HUWE1: variants seen among roughly 807,000 people sequenced by gnomAD.
HUWE1 encodes E3 ubiquitin-protein ligase HUWE1.
Under a neutral mutation model 299.4 loss-of-function variants are expected in HUWE1, and 18 were observed. The ratio of observed to expected loss-of-function variants is 0.06; its 90% CI spans 0.04 to 0.09. HUWE1 has a LOEUF of 0.09. Among genes scored for constraint, HUWE1 ranks in the 10% least tolerant of loss-of-function variants. The pLI is 1.00. For synonymous variants in HUWE1, 1,317 were observed against 1,286.1 expected, an observed-to-expected ratio of 1.02 and a Z score of -0.51; for missense variants, 1,832 against 3,462.3, an observed-to-expected ratio of 0.53 and a Z score of 11.82.
chrX:53,636,573 A>G (rs1355156601), intron 7 of HUWE1, among the ~76,000 whole-genome samples: 1 of 111,112 alleles, frequency 9.0e-6, no homozygotes, highest in Non-Finnish European at 1.9e-5. Flanking sequence ...AAAATACAAA[A>G]TTAGCCAGGC....
chrX:53,674,842 T>C (rs782204782), intron 3 of HUWE1, among the ~76,000 whole-genome samples: 1 of 112,043 alleles, frequency 8.9e-6, no homozygotes, highest in Non-Finnish European at 1.9e-5. Context: ...GTTAAATGAA[T>C]ATCACCATCT....
chrX:53,667,656 C>T (rs1009487741), intron 3 of HUWE1, among the ~76,000 whole-genome samples: 13 of 111,854 alleles, frequency 1.2e-4, no homozygotes, highest in Non-Finnish European at 1.9e-4. Flanking sequence ...ATCATTAAGT[C>T]GGGGACGCCT....
Position 53,594,714 on chromosome X carries a change from C to T in HUWE1, c.3381-93G>A. 10 of 909,163 alleles carry T rather than the reference C, an allele frequency of 1.1e-5. No homozygotes were observed. In the South Asian group the frequency reaches 2.1e-4, roughly 19 times the overall value. The allele number at this position is 909,163 out of a possible 1,213,427, so 74.9% of individuals were successfully genotyped here. ...ATGTAAAAGGCAAGAGTAAAATTTA[C>T]ACACTGAAGTGACACCTCCCACCTA... On this transcript the variant is annotated intron_variant, in intron 30 of 83. Coordinates refer to ENST00000262854, the MANE Select transcript of HUWE1 (RefSeq NM_031407.7).
At chrX:53,546,856 C>A in intron 68 of HUWE1, 31 bp from the exon 69 acceptor site, 1 of 1,190,526 alleles carries the variant, frequency 8.4e-7, no homozygotes. Flanking sequence ...CACTGTAAGC[C>A]TCTCTGAAAC....
chrX:53,551,505 G>A (rs1199153476), intron 63 of HUWE1, 25 bp from the exon 64 acceptor site: 1 of 1,134,518 alleles, frequency 8.8e-7, no homozygotes, highest in African/African-American at 1.8e-5. Context: ...AACATGTAAA[G>A]GGATTCACGC....
chrX:53,602,478 T>C (rs916817144), intron 28 of HUWE1, 86 bp downstream of exon 28: 4 of 571,555 alleles, frequency 7.0e-6, no homozygotes, highest in Non-Finnish European at 1.2e-5. Flanking sequence ...ATGATAGAAC[T>C]AACTAAAAAT....
intron 32 of HUWE1, among the ~76,000 whole-genome samples, 189 bp from the exon 33 acceptor site, chrX:53,592,817 T>C (rs1254230470): frequency 1.8e-5 from 2 of 111,687 alleles, no homozygotes; most frequent in African/African-American, 6.5e-5. Context: ...GTGATACAGT[T>C]TGGAATATTT....
intron 43 of HUWE1, among the ~76,000 whole-genome samples, chrX:53,577,691 G>GTT (rs782154597): frequency 1.5e-3 from 141 of 97,112 alleles, no homozygotes; most frequent in Admixed American, 2.1e-3. Flanking sequence ...ACTGGTTTTC[G>GTT]TTTTTTTTTT....
Position 53,595,410 on chromosome X carries a change from C to G in HUWE1, c.3164-7G>C. ...CGGCCTAATCTGGAGGAAGCTGAAA[C>G]CCAGAAATCAGAATAAGACTGTACA... On this transcript the variant is annotated splice_polypyrimidine_tract_variant and splice_region_variant and intron_variant, in intron 29 of 83. Coordinates refer to ENST00000262854, the MANE Select transcript of HUWE1 (RefSeq NM_031407.7). The G allele has an allele frequency of 8.5e-7, 1 of 1,174,103 alleles. No individual in the cohort carries two copies. Among genetic ancestry groups the G allele is most frequent in the Non-Finnish European group, 1.2e-6 (1 of 863,678 alleles).
At chrX:53,533,457 A>T in intron 83 of HUWE1, 46 bp from the exon 84 acceptor site, 1 of 942,371 alleles carries the variant, frequency 1.1e-6, no homozygotes, top group African/African-American at 1.9e-5. Context: ...ATGACAGATA[A>T]CCAAATCTGT....
rs782523739 is a variant in HUWE1, at chrX:53,549,389, G to C, written c.9605C>G (p.Thr3202Ser). 8.3e-7 allele frequency: 1 copy of C among 1,209,748 alleles called. No homozygotes were observed. Among genetic ancestry groups the C allele is most frequent in the African/African-American group, 1.7e-5 (1 of 57,174 alleles). ...LLFVDEPKLNTSRLHRVLRNL... is the reference protein window; with the variant it reads ...LLFVDEPKLNSSRLHRVLRNL... ...TCTCAGTACTCGGTGTAGACGGCTA[G>C]TATTGAGCTTTGGCTCATCCACAAA... Residue 3202 changes from threonine (T) to serine (S), a missense_variant, in exon 67 of 84, where the codon ACT (threonine) becomes AGT (serine). Around this residue, in one of 15 missense-constraint regions of HUWE1, gnomAD observed 91 missense variants for 281.2 expected, o/e 0.32. Transcript: ENST00000262854.
chrX:53,578,803 TGGG>T (rs1332227238), intron 43 of HUWE1, among the ~76,000 whole-genome samples: 1 of 17,682 alleles, frequency 5.7e-5, no homozygotes, highest in Non-Finnish European at 1.0e-4. Flanking sequence ...GGGAGGGAGG[TGGG>T]GGGGGGTCAG....
chrX:53,555,038 C>T lies in HUWE1; in HGVS notation c.8207-118G>A, dbSNP rs948278811. The T allele has an allele frequency of 2.9e-5, 15 of 509,735 alleles. No homozygotes were observed. In the African/African-American group the frequency reaches 3.6e-4, roughly 12 times the overall value. 42.0% of individuals were successfully genotyped at this position (509,735 alleles called of 1,213,427 possible). On this transcript the variant is annotated intron_variant, in intron 60 of 83. Transcript: ENST00000262854. The stretch of plus-strand genomic sequence containing the variant: ...CCCACCCAGCCAGTGATCATCCCCA[C>T]AACAAAAATACTCCAAGGAACATCT...
chrX:53,608,392 G>A (rs1375522956), intron 24 of HUWE1, among the ~76,000 whole-genome samples: 1 of 112,066 alleles, frequency 8.9e-6, no homozygotes, highest in African/African-American at 3.2e-5. Flanking sequence ...ATTACAGGTT[G>A]TATATTTCAT....
chrX:53,559,129 A>G (rs782660737), intron 57 of HUWE1, 69 bp from the exon 58 acceptor site: 1 of 922,790 alleles, frequency 1.1e-6, no homozygotes, highest in African/African-American at 2.0e-5. Context: ...CCGATCCAAA[A>G]ATTGCAGTAT....
In HUWE1 at chrX:53,645,461, A is replaced by G; in HGVS notation, c.354T>C (p.His118=). Residue 118 remains histidine, a splice_region_variant and synonymous_variant, in exon 7 of 84, where the codon CAT becomes CAC. Transcript: ENST00000262854. ...FSRHLYSSIE[H]LTTLLASSDM... ...CAGAGGAAGCCAATAAAGTTGTCAAATGCTAAAGGGACAAAAAAGGGCAAA... is the reference window on the plus strand; with the variant it reads ...CAGAGGAAGCCAATAAAGTTGTCAAGTGCTAAAGGGACAAAAAAGGGCAAA... The G allele has an allele frequency of 8.3e-7, 1 of 1,210,533 alleles. No homozygotes were observed. The highest frequency in any genetic ancestry group is 1.1e-6 in the Non-Finnish European group (1 of 894,954).
chrX:53,593,229 C>T (rs782008281), intron 32 of HUWE1, 135 bp downstream of exon 32: 36 of 503,631 alleles, frequency 7.1e-5, no homozygotes, highest in Non-Finnish European at 1.1e-4. Context: ...TATTCCCTTA[C>T]GTAAGGCAGC....
In HUWE1 at chrX:53,547,850, T is replaced by C. The variant is rs781796838; in HGVS notation, c.10459A>G (p.Thr3487Ala). The stretch of plus-strand genomic sequence containing the variant: ...GTGGTGGTGGTAGATGTGGTTGAGG[T>C]GGCAGTGGTGGTGGAGGAAGCACCG... Reference protein sequence around the residue: ...GSGASSTTTATSTTSTTTTTA... With the variant: ...GSGASSTTTAASTTSTTTTTA... Residue 3487 changes from threonine (T) to alanine (A), a missense_variant, in exon 68 of 84, where the codon ACC (threonine) becomes GCC (alanine). By Grantham distance (58) the Thr-to-Ala change is moderately conservative. Coordinates refer to ENST00000262854, the MANE Select transcript of HUWE1 (RefSeq NM_031407.7). 29 of 1,199,417 alleles carry C rather than the reference T, an allele frequency of 2.4e-5. 1 individual carries two copies. The Admixed American group carries it at 5.8e-4, about 24-fold the overall frequency.
chrX:53,561,829 G>A lies in HUWE1; in HGVS notation c.7434C>T (p.Pro2478=). The A allele has an allele frequency of 1.7e-6, 2 of 1,211,711 alleles. No individual in the cohort carries two copies. The highest frequency in any genetic ancestry group is 2.2e-6 in the Non-Finnish European group (2 of 895,519). ...DEDYPDMNAS[P]LVRFERFDRE... is the part of the protein sequence containing the mutation. ...GGTCAAAGCGCTCAAATCGGACCAA[G>A]GGAGAAGCGTTCATATCAGGATAAT... Residue 2478 remains proline (P), a synonymous_variant, in exon 55 of 84, where the codon CCC becomes CCT. Transcript: ENST00000262854.
Sources: allele counts gnomAD v4.1 joint callset (sites outside exome capture counted in the v4.1 genomes callset), GRCh38; gene constraint gnomAD v4.1.1; regional missense constraint gnomAD v4.1.1; transcripts MANE v1.5; gene names NCBI Gene and HGNC (gene_info 2026-07-23, HGNC 2026-07-21).